Variants in SIK2 observed in about 807,000 individuals in gnomAD.
SIK2 encodes salt inducible kinase 2.
SIK2 carries 29 observed loss-of-function variants against 103.2 expected under a neutral mutation model. That is an observed-to-expected ratio of 0.28 (90% CI 0.21 to 0.38). The LOEUF (loss-of-function observed/expected upper bound fraction) is 0.38. SIK2 is among the 10% of genes least tolerant of loss of function. SIK2 has a pLI of 1.00. For synonymous variants in SIK2, 412 were observed against 446.1 expected (o/e 0.92, Z 0.96); for missense variants, 879 against 1,171.0 (o/e 0.75, Z 3.64).
chr11:111,632,318 T>G (rs772955231), intron 3 of SIK2, among the ~76,000 whole-genome samples: 1 of 152,194 alleles, frequency 6.6e-6, no homozygotes, highest in Admixed American at 6.6e-5. Flanking sequence ...GTAAGTCATC[T>G]TGTTAAAATA....
chr11:111,605,190 T>G lies in SIK2; in HGVS notation c.135+2492T>G, dbSNP rs377039850. ...GTTGGCCAGGCTGGTTTCGAACTCC[T>G]GACCTCAAGTGATCCACACGCCTTG... On this transcript the variant is annotated intron_variant, in intron 1 of 14. Transcript: ENST00000304987. 2.0e-3 allele frequency among the ~76,000 whole-genome samples: 305 copies of G among 152,230 alleles called. 4 individuals carry two copies. In the South Asian group the frequency reaches 0.027, roughly 13 times the overall value.
rs567494634 is a variant in SIK2, at chr11:111,705,206, A to C, written c.1101+67A>C. 5.6e-6 allele frequency: 8 copies of C among 1,433,250 alleles called. No homozygotes were observed. The highest frequency in any genetic ancestry group is 7.3e-6 in the Non-Finnish European group (8 of 1,094,274). The allele number at this position is 1,433,250 out of a possible 1,614,324, so 88.8% of individuals were successfully genotyped here. A position where few individuals can be genotyped will look rare whatever the true frequency, so the allele number is the denominator to read the frequency against. On this transcript the variant is annotated intron_variant, in intron 8 of 14. Transcript: ENST00000304987. This position sits in a 1 kb window ranked among gnomAD's most constrained non-coding sequence, Gnocchi z 4.3. ...TGTTCACATGTTTGATACATTTTTCATCTTATACACAGGGTTAGGATTTCA... is the reference window on the plus strand; with the variant it reads ...TGTTCACATGTTTGATACATTTTTCCTCTTATACACAGGGTTAGGATTTCA...
Position 111,705,046 on chromosome 11 carries a change from C to T in SIK2, c.1008C>T (p.Arg336=). 5 of 1,611,382 alleles carry T rather than the reference C, an allele frequency of 3.1e-6. No homozygotes were observed. Among genetic ancestry groups the T allele is most frequent in the Non-Finnish European group, 4.2e-6 (5 of 1,179,072 alleles). Residue 336 remains arginine, a synonymous_variant, in exon 8 of 15, where the codon CGC becomes CGT. Transcript: ENST00000304987. This position sits in a 1 kb window ranked among gnomAD's most constrained non-coding sequence, Gnocchi z 4.3. The stretch of plus-strand genomic sequence containing the variant: ...CCATTTATTTCTTGTTGGTGGAGCG[C>T]CTGAAATCACATCGGAGCAGTTTCC... ...FAAIYFLLVE[R]LKSHRSSFPV... is the part of the protein sequence containing the mutation.
intron 3 of SIK2, among the ~76,000 whole-genome samples, chr11:111,638,710 T>C (rs1181723234): frequency 6.6e-6 from 1 of 152,160 alleles, no homozygotes; most frequent in Non-Finnish European, 1.5e-5. Flanking sequence ...TGTTCCTTTT[T>C]TCTTATGTTT....
At chr11:111,689,163 G>C (rs549230731) in intron 4 of SIK2, among the ~76,000 whole-genome samples, 1 of 152,148 alleles carries the variant, frequency 6.6e-6, no homozygotes, top group Non-Finnish European at 1.5e-5. Context: ...AAAATCTGTA[G>C]GCATGCAGGA....
At chr11:111,721,999 C>G in intron 13 of SIK2, 59 bp downstream of exon 13, 1 of 1,358,496 alleles carries the variant, frequency 7.4e-7, no homozygotes, top group Non-Finnish European at 1.0e-6. Flanking sequence ...TGTTCTTCTG[C>G]AAAGCAGAAA....
At chr11:111,689,866 A>G (rs1460428008) in intron 4 of SIK2, among the ~76,000 whole-genome samples, 1 of 152,026 alleles carries the variant, frequency 6.6e-6, no homozygotes, top group African/African-American at 2.4e-5. Flanking sequence ...ATGTTACAGG[A>G]TATGTAATGG....
At chr11:111,717,642 A>G (rs1371852072) in intron 9 of SIK2, among the ~76,000 whole-genome samples, 1 of 152,230 alleles carries the variant, frequency 6.6e-6, no homozygotes, top group African/African-American at 2.4e-5. Flanking sequence ...TACATGCATG[A>G]GTCTGCTCGT....
chr11:111,689,316 T>C (rs1460360285), intron 4 of SIK2, among the ~76,000 whole-genome samples: 1 of 152,088 alleles, frequency 6.6e-6, no homozygotes, highest in Non-Finnish European at 1.5e-5. Context: ...TAAAGTGGAA[T>C]TGGGATAACA....
intron 3 of SIK2, among the ~76,000 whole-genome samples, chr11:111,653,534 A>G (rs936003745): frequency 6.6e-6 from 1 of 152,248 alleles, no homozygotes; most frequent in African/African-American, 2.4e-5. Context: ...CGTAGGAAAG[A>G]GGACTACTTC....
intron 3 of SIK2, among the ~76,000 whole-genome samples, chr11:111,661,828 A>G (rs556226857): frequency 2.0e-5 from 3 of 152,278 alleles, no homozygotes; most frequent in South Asian, 2.1e-4. Flanking sequence ...GAAACTTACT[A>G]TCATGAGAAC....
intron 1 of SIK2, among the ~76,000 whole-genome samples, chr11:111,606,565 G>A (rs1273666685): frequency 6.6e-6 from 1 of 152,036 alleles, no homozygotes; most frequent in Non-Finnish European, 1.5e-5. Flanking sequence ...CCTTGTGGAT[G>A]AATATCGTTT....
At chr11:111,625,526 G>A (rs1028740465) in intron 3 of SIK2, among the ~76,000 whole-genome samples, 13 of 152,196 alleles carry the variant, frequency 8.5e-5, no homozygotes, top group Admixed American at 3.3e-4. Flanking sequence ...AGAAGAGACA[G>A]AGGAGGAAGA....
rs185200818 is a variant in SIK2 at position 111,689,301 on chromosome 11, A to G, written c.478+1139A>G. Among the ~76,000 whole-genome samples, 422 of 152,274 alleles carry G rather than the reference A, an allele frequency of 2.8e-3. 3 individuals carry two copies. The highest frequency in any genetic ancestry group is 5.0e-3 in the Non-Finnish European group (343 of 67,998). On this transcript the variant is annotated intron_variant, in intron 4 of 14. Coordinates refer to ENST00000304987, the MANE Select transcript of SIK2 (RefSeq NM_015191.3). The stretch of plus-strand genomic sequence containing the variant: ...CTACTGAAAATTATAGGGCATGGGT[A>G]GGGGTAAAGTGGAATTGGGATAACA...
At chr11:111,606,836 A>G (rs1327303345) in intron 1 of SIK2, among the ~76,000 whole-genome samples, 1 of 152,110 alleles carries the variant, frequency 6.6e-6, no homozygotes, top group East Asian at 1.9e-4. Context: ...ATAGGAGGCC[A>G]GGCTAGATGG....
chr11:111,611,109 T>C (rs1015941672), intron 1 of SIK2, among the ~76,000 whole-genome samples: 1 of 151,848 alleles, frequency 6.6e-6, no homozygotes, highest in African/African-American at 2.4e-5. Context: ...TGTGTGTGTG[T>C]GTGTGTGTGC....
intron 9 of SIK2, among the ~76,000 whole-genome samples, chr11:111,712,963 C>T (rs1354181043): frequency 1.3e-5 from 2 of 152,046 alleles, no homozygotes. Flanking sequence ...TCAGGAGTTC[C>T]AGACCACCTT....
At chr11:111,678,109 C>A (rs1942729271) in intron 3 of SIK2, among the ~76,000 whole-genome samples, 1 of 152,128 alleles carries the variant, frequency 6.6e-6, no homozygotes, top group South Asian at 2.1e-4. Flanking sequence ...CATTGGTCTC[C>A]TTTCAGTTTT....
At chr11:111,668,517 A>T (rs1276474528) in intron 3 of SIK2, among the ~76,000 whole-genome samples, 1 of 152,176 alleles carries the variant, frequency 6.6e-6, no homozygotes, top group Non-Finnish European at 1.5e-5. Flanking sequence ...CTTAGGTCTG[A>T]GCTATGACCA....
Sources: gnomAD v4.1 joint callset for allele counts (sites outside exome capture counted in the v4.1 genomes callset) on GRCh38, gnomAD v4.1.1 for gene constraint, Gnocchi (gnomAD v3.1) non-coding constraint, MANE v1.5 for transcripts, NCBI Gene and HGNC (gene_info 2026-07-23, HGNC 2026-07-21) for gene names.